Variants in ECH1 observed in about 807,000 individuals in gnomAD.
ECH1 encodes the protein enoyl-CoA hydratase 1.
A neutral mutation model predicts 37.0 loss-of-function variants in ECH1; 30 were observed. The observed-to-expected ratio is 0.81, with a 90% CI of 0.61 to 1.10. The LOEUF (loss-of-function observed/expected upper bound fraction) is 1.10, where lower values mean the gene tolerates loss of function less well. Ranked by LOEUF, ECH1 falls within the 50% of genes least tolerant of loss-of-function variation. ECH1 has a pLI of 0.00. For missense variants in ECH1, 456 were observed against 441.6 expected (o/e 1.03, Z -0.29); for synonymous variants, 178 against 176.0 (o/e 1.01, Z -0.09).
chr19:38,829,726 G>C (rs1971790971), intron 3 of ECH1, among the ~76,000 whole-genome samples: 1 of 149,212 alleles, frequency 6.7e-6, no homozygotes, highest in South Asian at 2.2e-4. Context: ...TGAGGCAGAA[G>C]AATGGCCTGA....
chr19:38,822,778 A>C (rs1971682717), intron 3 of ECH1, among the ~76,000 whole-genome samples: 1 of 152,236 alleles, frequency 6.6e-6, no homozygotes, highest in South Asian at 2.1e-4. Flanking sequence ...AAAACGGACC[A>C]ACCAGCAGGA....
intron 3 of ECH1, chr19:38,820,147 G>A (rs1971641714): frequency 4.6e-6 from 1 of 215,900 alleles, no homozygotes. Flanking sequence ...TGCAAGCTCC[G>A]CCTCCTGGGT....
intron 9 of ECH1, 40 bp from the exon 10 acceptor site, chr19:38,815,757 T>C (rs1378094040): frequency 1.9e-6 from 3 of 1,613,764 alleles, no homozygotes; most frequent in African/African-American, 1.3e-5. Context: ...GGAGAGAGAT[T>C]AGCAGGGGCC....
Position 38,820,124 on chromosome 19 carries a change from G to A in ECH1, c.350-2549C>T, listed in dbSNP as rs1304749071. On this transcript the variant is annotated intron_variant, in intron 3 of 9. Transcript: ENST00000221418. ...CGCCCAGGCTGGCGTGTAGTGGCGC[G>A]ATCTCGGCTCACTGCAAGCTCCGCC... The A allele has an allele frequency of 7.4e-5, 25 of 335,792 alleles. 2 individuals carry two copies. In the South Asian group the frequency reaches 1.6e-3, roughly 22 times the overall value. The allele number at this position is 335,792 out of a possible 1,614,324, so 20.8% of individuals were successfully genotyped here. A position where few individuals can be genotyped will look rare whatever the true frequency, so the allele number is the denominator to read the frequency against.
At position 38,831,179 on chromosome 19, in the gene ECH1, G is replaced by A. The variant is rs1289763206; in HGVS notation, c.261-13C>T. ...CTCTACCATCTCTCTGTGAAGCAAC[G>A]AGTGAAGGGTTACAAATGGGGCGGG... On this transcript the variant is annotated splice_polypyrimidine_tract_variant and intron_variant, in intron 2 of 9. Coordinates refer to ENST00000221418, the MANE Select transcript of ECH1 (RefSeq NM_001398.3). 8.7e-6 allele frequency: 14 copies of A among 1,613,840 alleles called. No individual in the cohort carries two copies. Among genetic ancestry groups the A allele is most frequent in the South Asian group, 2.2e-5 (2 of 91,076 alleles).
At chr19:38,818,289 A>G (rs1971607934) in intron 3 of ECH1, 1 of 985,236 alleles carries the variant, frequency 1.0e-6, no homozygotes, top group Admixed American at 6.2e-5. Context: ...ATGTTTCCTG[A>G]GATGAGAAAC....
At chr19:38,827,125 G>C (rs1971751128) in intron 3 of ECH1, among the ~76,000 whole-genome samples, 1 of 127,632 alleles carries the variant, frequency 7.8e-6, no homozygotes, top group Non-Finnish European at 1.7e-5. Context: ...GGAGGGAGGG[G>C]AGGGAGAAAG....
chr19:38,820,969 C>T (rs1427318058), intron 3 of ECH1, among the ~76,000 whole-genome samples: 2 of 152,126 alleles, frequency 1.3e-5, no homozygotes, highest in Non-Finnish European at 2.9e-5. Flanking sequence ...AGAGGAGGAA[C>T]AGAGGGAGAT....
intron 8 of ECH1, 121 bp downstream of exon 8, chr19:38,816,163 G>T (rs2075587): frequency 1.0e-5 from 15 of 1,468,166 alleles, no homozygotes; most frequent in Non-Finnish European, 1.3e-5. Context: ...AAAGAAATGA[G>T]CTCACCAAGA....
chr19:38,829,088 C>T (rs1030306494), intron 3 of ECH1, among the ~76,000 whole-genome samples: 1 of 150,534 alleles, frequency 6.6e-6, no homozygotes, highest in African/African-American at 2.4e-5. Context: ...AGTTCAAGAC[C>T]CGCCTGGCCA....
At chr19:38,830,992 T>G (rs1971811115) in intron 3 of ECH1, 86 bp downstream of exon 3, 1 of 1,301,054 alleles carries the variant, frequency 7.7e-7, no homozygotes, top group African/African-American at 1.5e-5. Context: ...CAGAAGCTGC[T>G]TAAAACCCTA....
chr19:38,826,153 T>C (rs934952359), intron 3 of ECH1, among the ~76,000 whole-genome samples: 3 of 152,222 alleles, frequency 2.0e-5, no homozygotes, highest in African/African-American at 7.2e-5. Context: ...TTTCTTATTA[T>C]GCCTGAAAGT....
In ECH1 at chr19:38,816,007, G is replaced by T. The variant is rs1396838224; in HGVS notation, c.732C>A (p.Ser244Arg). ...ADEALGSGLV[S>R]RVFPDKEVML... Reference sequence around the variant, plus strand: ...TGACCTCTTTGTCTGGGAACACCCGGCTGCAGTGAAAGAGATCAGGGACCG... The same window carrying T: ...TGACCTCTTTGTCTGGGAACACCCGTCTGCAGTGAAAGAGATCAGGGACCG... The change falls in exon 9 of 10, where the codon AGC becomes AGA. Residue 244 changes from serine (S) to arginine (R), a missense_variant and splice_region_variant. Coordinates refer to ENST00000221418, the MANE Select transcript of ECH1 (RefSeq NM_001398.3). 1 of 1,612,800 alleles carries T rather than the reference G, an allele frequency of 6.2e-7. No homozygotes were observed. The highest frequency in any genetic ancestry group is 8.5e-7 in the Non-Finnish European group (1 of 1,180,004).
chr19:38,828,619 TTTTTA>T (rs941764350), intron 3 of ECH1, among the ~76,000 whole-genome samples: 13 of 150,820 alleles, frequency 8.6e-5, no homozygotes, highest in East Asian at 4.0e-4. Context: ...TTTTGTTTTG[TTTTTA>T]TTTTGTTTTT....
intron 3 of ECH1, among the ~76,000 whole-genome samples, chr19:38,819,407 G>T (rs1016799087): frequency 6.6e-6 from 1 of 151,962 alleles, no homozygotes; most frequent in South Asian, 2.1e-4. Flanking sequence ...CCCATCCCCC[G>T]CATCCTGACC....
rs566969949 is a variant in ECH1, at chr19:38,819,943, C to A, written c.350-2368G>T. On this transcript the variant is annotated intron_variant, in intron 3 of 9. Coordinates refer to ENST00000221418, the MANE Select transcript of ECH1 (RefSeq NM_001398.3). ...CTCCAGCCTGGGCGACAGAGCAAGA[C>A]CCTGGCTCAAAAATAAAAAATAAAA... Among the ~76,000 whole-genome samples, 4 of 151,562 alleles carry A rather than the reference C, an allele frequency of 2.6e-5. No homozygotes were observed. The South Asian group carries it at 8.3e-4, about 32-fold the overall frequency.
chr19:38,831,462 G>A lies in ECH1; in HGVS notation c.107C>T (p.Ser36Phe). The A allele has an allele frequency of 6.2e-7, 1 of 1,614,164 alleles. No homozygotes were observed. Among genetic ancestry groups the A allele is most frequent in the Non-Finnish European group, 8.5e-7 (1 of 1,180,032 alleles). The change falls in exon 2 of 10, where the codon TCC (serine) becomes TTC (phenylalanine). Residue 36 changes from serine to phenylalanine, a missense_variant. Physicochemically the swap from Ser to Phe is radical, Grantham distance 155. Transcript: ENST00000221418. Reference sequence around the variant, plus strand: ...TCCGGAAGCCTCCTCTTGTGCAGAGGAGCCAGTGAGGCGAAGGCTAATACT... The same window carrying A: ...TCCGGAAGCCTCCTCTTGTGCAGAGAAGCCAGTGAGGCGAAGGCTAATACT... ...GLSISLRLTG[S>F]SAQEEASGVA...
At chr19:38,821,741 G>A (rs1168588579) in intron 3 of ECH1, among the ~76,000 whole-genome samples, 2 of 152,196 alleles carry the variant, frequency 1.3e-5, no homozygotes, top group African/African-American at 2.4e-5. Context: ...TGTGGGGCAG[G>A]GCTTGGGACC....
chr19:38,824,283 C>T (rs898450902), intron 3 of ECH1, among the ~76,000 whole-genome samples: 7 of 152,172 alleles, frequency 4.6e-5, no homozygotes, highest in Non-Finnish European at 8.8e-5. Context: ...TCCGACCTTC[C>T]TTGGTCCTCC....
Sources: allele counts gnomAD v4.1 joint callset (sites outside exome capture counted in the v4.1 genomes callset), GRCh38; gene constraint gnomAD v4.1.1; transcripts MANE v1.5; gene names NCBI Gene and HGNC (gene_info 2026-07-23, HGNC 2026-07-21).